The following GALNT17 variants were observed in gnomAD, a reference collection of about 807,000 sequenced individuals.
GALNT17 encodes polypeptide N-acetylgalactosaminyltransferase 17, also known as UDP-GalNAc:polypeptide N-acetylgalactosaminyltransferase-like 3.
GALNT17 carries 29 observed loss-of-function variants against 63.7 expected under a neutral mutation model. The ratio of observed to expected loss-of-function variants is 0.46; its 90% CI spans 0.34 to 0.62. GALNT17 has a LOEUF of 0.62. Ranked by LOEUF, GALNT17 falls within the 20% of genes least tolerant of loss-of-function variation. The probability of loss-of-function intolerance (pLI) is 0.01; values close to 1 mark genes in which losing one functional copy is unlikely to be tolerated. For synonymous variants in GALNT17, 305 were observed against 318.3 expected (o/e 0.96, Z 0.45); for missense variants, 603 against 799.6 (o/e 0.75, Z 2.97).
intron 1 of GALNT17, among the ~76,000 whole-genome samples, chr7:71,288,269 C>T (rs960816947): frequency 2.0e-4 from 29 of 147,848 alleles, no homozygotes; most frequent in Non-Finnish European, 8.9e-5. Flanking sequence ...ATGTGCTGTT[C>T]ATTAAATAGA....
intron 9 of GALNT17, among the ~76,000 whole-genome samples, chr7:71,683,495 A>G (rs1361262377): frequency 6.6e-6 from 1 of 152,290 alleles, no homozygotes; most frequent in South Asian, 2.1e-4. Flanking sequence ...AATGGACTCT[A>G]TGTTGTAATT....
At chr7:71,576,168 C>T (rs1393465601) in intron 6 of GALNT17, among the ~76,000 whole-genome samples, 2 of 152,104 alleles carry the variant, frequency 1.3e-5, no homozygotes, top group African/African-American at 4.8e-5. Context: ...AAAAACATGG[C>T]ACCCAAGACT....
chr7:71,684,367 A>C lies in GALNT17; in HGVS notation c.1500+7061A>C, dbSNP rs148571545. ...GCTAGGGGTAGTGCTGACCCCAGGG[A>C]CCCACTGTGGCATCTTTCTCAGCCC... On this transcript the variant is annotated intron_variant, in intron 9 of 10. Transcript: ENST00000333538. Among the ~76,000 whole-genome samples, 1,133 of 152,258 alleles carry C rather than the reference A, an allele frequency of 7.4e-3. 13 individuals are homozygous for C. The highest frequency in any genetic ancestry group is 0.025 in the African/African-American group (1,049 of 41,558).
intron 5 of GALNT17, among the ~76,000 whole-genome samples, chr7:71,525,716 C>G (rs758411774): frequency 6.9e-6 from 1 of 144,098 alleles, no homozygotes; most frequent in Non-Finnish European, 1.5e-5. Context: ...TGAAATTACT[C>G]AGTCTTGGGT....
chr7:71,188,927 G>A (rs1788901070), intron 1 of GALNT17, among the ~76,000 whole-genome samples: 1 of 152,162 alleles, frequency 6.6e-6, no homozygotes, highest in Non-Finnish European at 1.5e-5. Context: ...CAGTTTAAAT[G>A]TGAAATACAC....
chr7:71,413,318 G>A (rs1220242217), intron 3 of GALNT17, among the ~76,000 whole-genome samples: 2 of 152,030 alleles, frequency 1.3e-5, no homozygotes, highest in South Asian at 2.1e-4. Flanking sequence ...GGCGAGTGGG[G>A]GCCATTAGCC....
chr7:71,305,639 A>C (rs1791276818), intron 1 of GALNT17, among the ~76,000 whole-genome samples: 1 of 151,962 alleles, frequency 6.6e-6, no homozygotes, highest in African/African-American at 2.4e-5. Flanking sequence ...GGGACGGGGG[A>C]GGGCCCCTCC....
intron 1 of GALNT17, among the ~76,000 whole-genome samples, chr7:71,185,821 T>G (rs1042068869): frequency 6.6e-6 from 1 of 152,224 alleles, no homozygotes; most frequent in African/African-American, 2.4e-5. Flanking sequence ...TTCTGTAATT[T>G]TCTACAACTC....
intron 1 of GALNT17, among the ~76,000 whole-genome samples, chr7:71,198,197 CAAAAAAAAAAA>C: frequency 1.3e-5 from 1 of 77,070 alleles, no homozygotes; most frequent in Non-Finnish European, 2.9e-5. Context: ...GACTCTGTCT[CAAAAAAAAAAA>C]AAAAAAAAGG....
chr7:71,216,809 CAT>C (rs148661318), intron 1 of GALNT17, among the ~76,000 whole-genome samples: 5,525 of 152,154 alleles, frequency 0.036, 159 homozygotes, highest in East Asian at 0.14. Flanking sequence ...TGCACACACA[CAT>C]GTATTTTTAT....
chr7:71,388,675 C>T (rs1322543223), intron 3 of GALNT17, among the ~76,000 whole-genome samples: 12 of 151,816 alleles, frequency 7.9e-5, no homozygotes, highest in African/African-American at 9.7e-5. Context: ...TACAGGCACC[C>T]GGCACCACGC....
chr7:71,303,014 G>A (rs1791228670), intron 1 of GALNT17, among the ~76,000 whole-genome samples: 1 of 152,076 alleles, frequency 6.6e-6, no homozygotes, highest in Non-Finnish European at 1.5e-5. Flanking sequence ...ATAGGCACGT[G>A]CTGCCATGCC....
At chr7:71,430,910 A>G (rs557832628) in intron 5 of GALNT17, among the ~76,000 whole-genome samples, 4 of 152,198 alleles carry the variant, frequency 2.6e-5, no homozygotes, top group Admixed American at 1.3e-4. Context: ...TTGTGTGCTC[A>G]GCTTTGGGGT....
intron 1 of GALNT17, among the ~76,000 whole-genome samples, chr7:71,196,418 G>A (rs1432108423): frequency 6.6e-6 from 1 of 152,084 alleles, no homozygotes; most frequent in Non-Finnish European, 1.5e-5. Flanking sequence ...GGGATTATAA[G>A]CGTGAGCCAC....
chr7:71,387,788 G>A (rs1792973855), intron 2 of GALNT17, among the ~76,000 whole-genome samples: 1 of 152,114 alleles, frequency 6.6e-6, no homozygotes, highest in South Asian at 2.1e-4. Context: ...CGGGTAGATG[G>A]CACAGGTAGA....
chr7:71,600,429 C>T (rs142246759), intron 6 of GALNT17, among the ~76,000 whole-genome samples: 7 of 152,120 alleles, frequency 4.6e-5, no homozygotes, highest in South Asian at 2.1e-4. Flanking sequence ...TAGCAAGGCA[C>T]GGAAAACCAG....
At chr7:71,574,822 G>T (rs1219445115) in intron 6 of GALNT17, among the ~76,000 whole-genome samples, 1 of 152,100 alleles carries the variant, frequency 6.6e-6, no homozygotes, top group Non-Finnish European at 1.5e-5. Context: ...CCTTGTTGGA[G>T]AGCTACTGGT....
intron 2 of GALNT17, among the ~76,000 whole-genome samples, chr7:71,351,891 C>T (rs1792195474): frequency 6.6e-6 from 1 of 152,110 alleles, no homozygotes; most frequent in Non-Finnish European, 1.5e-5. Flanking sequence ...TTTAGAAGGT[C>T]ATTCTGAATG....
chr7:71,629,178 A>G (rs889540176), intron 6 of GALNT17, among the ~76,000 whole-genome samples: 1 of 152,044 alleles, frequency 6.6e-6, no homozygotes, highest in Non-Finnish European at 1.5e-5. Flanking sequence ...GCACCTGTGG[A>G]GTGGCCAGTG....
Sources: gnomAD v4.1 joint callset for allele counts (sites outside exome capture counted in the v4.1 genomes callset) on GRCh38, gnomAD v4.1.1 for gene constraint, MANE v1.5 for transcripts, NCBI Gene and HGNC (gene_info 2026-07-23, HGNC 2026-07-21) for gene names.